HPSE2: variants seen among roughly 807,000 people sequenced by gnomAD.
HPSE2 encodes inactive heparanase-2.
HPSE2 carries 38 observed loss-of-function variants against 60.5 expected under a neutral mutation model. That is an observed-to-expected ratio of 0.63 (90% CI 0.48 to 0.82). The LOEUF (loss-of-function observed/expected upper bound fraction) is 0.82, where lower values mean the gene tolerates loss of function less well. Ranked by LOEUF, HPSE2 falls within the 40% of genes least tolerant of loss-of-function variation. The pLI is 0.00. For missense variants in HPSE2, 713 were observed against 740.4 expected, an observed-to-expected ratio of 0.96 and a Z score of 0.43; for synonymous variants, 295 against 293.2, an observed-to-expected ratio of 1.01 and a Z score of -0.06.
chr10:99,167,567 T>C (rs1198551713), intron 2 of HPSE2, among the ~76,000 whole-genome samples: 1 of 152,392 alleles, frequency 6.6e-6, no homozygotes, highest in African/African-American at 2.4e-5. Flanking sequence ...CAAAAATCAG[T>C]TGACATTATT....
chr10:98,648,266 C>T (rs1417967241), intron 6 of HPSE2, among the ~76,000 whole-genome samples: 2 of 152,014 alleles, frequency 1.3e-5, no homozygotes, highest in South Asian at 4.2e-4. Context: ...TTGATCCTAG[C>T]GGTGTTAAGG....
At chr10:99,264,766 C>G in the HPSE2 span, among the ~76,000 whole-genome samples, 2 of 152,234 alleles carry the variant, frequency 1.3e-5, no homozygotes, top group African/African-American at 4.8e-5. Flanking sequence ...GTCATCACCA[C>G]TAATTCTATA....
intron 3 of HPSE2, among the ~76,000 whole-genome samples, chr10:99,068,827 G>A (rs1333548810): frequency 1.3e-5 from 2 of 152,128 alleles, no homozygotes; most frequent in African/African-American, 4.8e-5. Flanking sequence ...AAATGTAAAT[G>A]AGTATTATGA....
intron 2 of HPSE2, among the ~76,000 whole-genome samples, chr10:99,177,547 G>T (rs1224867031): frequency 6.6e-6 from 1 of 151,974 alleles, no homozygotes; most frequent in Admixed American, 6.6e-5. Context: ...AATGGTAAAG[G>T]GATCAATGCA....
At chr10:98,997,855 T>C (rs781737201) in intron 3 of HPSE2, among the ~76,000 whole-genome samples, 7 of 152,136 alleles carry the variant, frequency 4.6e-5, no homozygotes, top group African/African-American at 1.7e-4. Context: ...ACGAGGAAGG[T>C]TGCAGAAGCA....
At chr10:98,597,841 C>T (rs11189704) in intron 9 of HPSE2, among the ~76,000 whole-genome samples, 71,533 of 149,646 alleles carry the variant, frequency 0.48, 18,131 homozygotes, top group Admixed American at 0.59. Context: ...CATGGTGGTG[C>T]GTGGCTGTAA....
chr10:98,808,026 A>G (rs1342868966), intron 3 of HPSE2, among the ~76,000 whole-genome samples: 1 of 152,122 alleles, frequency 6.6e-6, no homozygotes, highest in Non-Finnish European at 1.5e-5. Context: ...ATCCTTCTGC[A>G]TACTAAATGG....
At chr10:99,095,669 T>C (rs1843695112) in intron 3 of HPSE2, among the ~76,000 whole-genome samples, 5 of 152,228 alleles carry the variant, frequency 3.3e-5, no homozygotes, top group Admixed American at 2.6e-4. Flanking sequence ...CATTTGTGAG[T>C]GGCATAGCAC....
At chr10:99,129,323 G>T (rs1742753840) in intron 3 of HPSE2, among the ~76,000 whole-genome samples, 1 of 152,056 alleles carries the variant, frequency 6.6e-6, no homozygotes, top group South Asian at 2.1e-4. Context: ...CTCAACATCT[G>T]TAGAATATAC....
At chr10:99,019,717 T>G (rs542972138) in intron 3 of HPSE2, among the ~76,000 whole-genome samples, 13 of 104,068 alleles carry the variant, frequency 1.2e-4, no homozygotes, top group East Asian at 7.2e-4. Context: ...TTTTTTGTTG[T>G]TTTTTTTTTT....
intron 7 of HPSE2, among the ~76,000 whole-genome samples, chr10:98,632,064 T>G (rs569247543): frequency 1.3e-5 from 2 of 152,256 alleles, no homozygotes; most frequent in Non-Finnish European, 2.9e-5. Flanking sequence ...ATAAAATAAA[T>G]AGTTGATAAG....
chr10:98,934,142 T>A (rs1337405075), intron 3 of HPSE2, among the ~76,000 whole-genome samples: 2 of 144,080 alleles, frequency 1.4e-5, no homozygotes, highest in Non-Finnish European at 3.0e-5. Flanking sequence ...TTTTCCTCCA[T>A]CCCTTTCTTA....
At chr10:98,743,829 A>C in intron 4 of HPSE2, 54 bp downstream of exon 4, 1 of 1,519,026 alleles carries the variant, frequency 6.6e-7, no homozygotes, top group Non-Finnish European at 9.1e-7. Flanking sequence ...TCACAAGCCA[A>C]CTTATTTTTC....
intron 3 of HPSE2, among the ~76,000 whole-genome samples, chr10:99,005,371 T>C (rs1001200779): frequency 6.6e-6 from 1 of 152,126 alleles, no homozygotes; most frequent in Non-Finnish European, 1.5e-5. Context: ...TTCGACTACA[T>C]ATTTTCAAAT....
intron 3 of HPSE2, among the ~76,000 whole-genome samples, chr10:98,792,147 G>T (rs987246166): frequency 6.6e-6 from 1 of 151,620 alleles, no homozygotes; most frequent in Non-Finnish European, 1.5e-5. Context: ...TGTGCTTATT[G>T]TTTCAGGTGG....
At chr10:98,622,926 T>C (rs1400580355) in intron 7 of HPSE2, among the ~76,000 whole-genome samples, 1 of 152,156 alleles carries the variant, frequency 6.6e-6, no homozygotes, top group South Asian at 2.1e-4. Context: ...CACATCCATA[T>C]GGCCAGATTA....
At chr10:99,091,481 A>G (rs1164479120) in intron 3 of HPSE2, among the ~76,000 whole-genome samples, 2 of 152,162 alleles carry the variant, frequency 1.3e-5, no homozygotes, top group African/African-American at 4.8e-5. Context: ...CAATCTATTA[A>G]CAAAGTTTTT....
At chr10:98,968,844 G>C (rs1955879227) in intron 3 of HPSE2, among the ~76,000 whole-genome samples, 1 of 152,084 alleles carries the variant, frequency 6.6e-6, no homozygotes, top group African/African-American at 2.4e-5. Context: ...GGAGTTGGGA[G>C]GAAGGGTGGG....
chr10:99,264,095 CT>C, the HPSE2 span, among the ~76,000 whole-genome samples: 23 of 148,070 alleles, frequency 1.6e-4, no homozygotes, highest in Admixed American at 4.0e-4. Flanking sequence ...TTTTCTTTTT[CT>C]TTTTTTTTTG....
Sources: gnomAD v4.1 joint callset for allele counts (sites outside exome capture counted in the v4.1 genomes callset) on GRCh38, gnomAD v4.1.1 for gene constraint, MANE v1.5 for transcripts, NCBI Gene and HGNC (gene_info 2026-07-23, HGNC 2026-07-21) for gene names.